The following CDK6 variants were observed in gnomAD, a reference collection of about 807,000 sequenced individuals.
CDK6 encodes cyclin-dependent kinase 6.
In CDK6, 6 loss-of-function variants were observed where a neutral mutation model predicts 37.1. The observed-to-expected ratio is 0.16, with a 90% CI of 0.09 to 0.32. The LOEUF is 0.32. Ranked by LOEUF, CDK6 falls within the 10% of genes least tolerant of loss-of-function variation. The pLI, the probability that CDK6 is intolerant of heterozygous loss-of-function variation, is 1.00. For missense variants in CDK6, 224 were observed against 418.9 expected, an observed-to-expected ratio of 0.53 and a Z score of 4.06; for synonymous variants, 160 against 161.3, an observed-to-expected ratio of 0.99 and a Z score of 0.06.
intron 4 of CDK6, among the ~76,000 whole-genome samples, chr7:92,698,903 T>C (rs1797779632): frequency 6.6e-6 from 1 of 152,198 alleles, no homozygotes; most frequent in Admixed American, 6.5e-5. Context: ...TCTCATTCAG[T>C]TATAAGCCTT....
chr7:92,664,636 A>G (rs1436003252), intron 5 of CDK6, among the ~76,000 whole-genome samples: 1 of 152,178 alleles, frequency 6.6e-6, no homozygotes, highest in African/African-American at 2.4e-5. Context: ...GTTTCCTTCT[A>G]ACAGTGACTC....
intron 4 of CDK6, among the ~76,000 whole-genome samples, chr7:92,692,266 A>AAAAG (rs57165480): frequency 0.016 from 2,350 of 147,892 alleles, 58 homozygotes; most frequent in African/African-American, 0.055. Flanking sequence ...TCCGTCTCAA[A>AAAAG]AAAGAAAGAA....
chr7:92,651,318 A>G (rs1194148996), intron 5 of CDK6, among the ~76,000 whole-genome samples: 5 of 152,186 alleles, frequency 3.3e-5, no homozygotes, highest in Non-Finnish European at 7.3e-5. Flanking sequence ...AATGTAACAA[A>G]TTCATAGTGT....
chr7:92,638,679 A>G (rs1173727916), intron 5 of CDK6, among the ~76,000 whole-genome samples: 6 of 152,190 alleles, frequency 3.9e-5, no homozygotes, highest in Non-Finnish European at 5.9e-5. Flanking sequence ...GGGTTCCTTG[A>G]ATGCCTTGAA....
chr7:92,728,033 A>G (rs956539212), intron 3 of CDK6, among the ~76,000 whole-genome samples: 24 of 152,200 alleles, frequency 1.6e-4, no homozygotes, highest in Non-Finnish European at 2.6e-4. Context: ...TAAAGAATAA[A>G]TCTGTTTGGT....
intron 4 of CDK6, among the ~76,000 whole-genome samples, chr7:92,693,262 G>A (rs1246635497): frequency 1.3e-5 from 2 of 152,172 alleles, no homozygotes; most frequent in African/African-American, 2.4e-5. Flanking sequence ...GATACAAGTA[G>A]AGAAAGAAAT....
At chr7:92,695,740 T>A (rs1797702658) in intron 4 of CDK6, among the ~76,000 whole-genome samples, 1 of 152,306 alleles carries the variant, frequency 6.6e-6, no homozygotes, top group Admixed American at 6.5e-5. Context: ...TGGGAGCCAA[T>A]GTTTACAATC....
intron 5 of CDK6, among the ~76,000 whole-genome samples, chr7:92,637,333 A>C (rs1278512075): frequency 6.6e-6 from 1 of 152,206 alleles, no homozygotes; most frequent in Admixed American, 6.5e-5. Flanking sequence ...CTTCTTGATC[A>C]TCACTCGTAG....
Position 92,615,293 on chromosome 7 carries a change from T to G in CDK6, c.835-7A>C, listed in dbSNP as rs768448320. ...GGTTAAATGTCAAACACTTCTGTAA[T>G]AAAGAAAAAAATAATTGGTTGATAT... is the stretch of plus-strand genomic sequence containing the variant. On this transcript the variant is annotated splice_region_variant and splice_polypyrimidine_tract_variant and intron_variant, in intron 7 of 7. Coordinates refer to ENST00000424848, the MANE Select transcript of CDK6 (RefSeq NM_001145306.2). 2 of 1,607,364 alleles carry G rather than the reference T, an allele frequency of 1.2e-6. No homozygotes were observed. The highest frequency in any genetic ancestry group is 1.7e-6 in the Non-Finnish European group (2 of 1,175,410).
chr7:92,793,286 T>C (rs186906848), intron 2 of CDK6, among the ~76,000 whole-genome samples: 27 of 152,126 alleles, frequency 1.8e-4, no homozygotes, highest in Admixed American at 1.4e-3. Flanking sequence ...GAACCCAGAA[T>C]AGCAAAAAAC....
intron 3 of CDK6, among the ~76,000 whole-genome samples, chr7:92,767,440 C>T (rs1194106933): frequency 6.6e-6 from 1 of 152,112 alleles, no homozygotes; most frequent in African/African-American, 2.4e-5. Flanking sequence ...TGAAATCTTA[C>T]TAATTAGAAA....
At chr7:92,648,981 G>A (rs751455859) in intron 5 of CDK6, among the ~76,000 whole-genome samples, 2 of 151,740 alleles carry the variant, frequency 1.3e-5, no homozygotes, top group Non-Finnish European at 2.9e-5. Context: ...CCTATTTTAG[G>A]GCAGTTGTTT....
At chr7:92,772,182 G>A (rs770513460) in intron 3 of CDK6, among the ~76,000 whole-genome samples, 1 of 152,092 alleles carries the variant, frequency 6.6e-6, no homozygotes, top group South Asian at 2.1e-4. Context: ...AGGAAGGAAA[G>A]TAGGTTAGTA....
intron 3 of CDK6, among the ~76,000 whole-genome samples, chr7:92,759,145 T>C (rs2115714442): frequency 6.6e-6 from 1 of 152,204 alleles, no homozygotes; most frequent in East Asian, 1.9e-4. Context: ...CCAGGCTTCT[T>C]AGCCCTTCTT....
intron 5 of CDK6, among the ~76,000 whole-genome samples, chr7:92,651,997 G>C (rs1796585366): frequency 6.6e-6 from 1 of 152,168 alleles, no homozygotes; most frequent in South Asian, 2.1e-4. Context: ...ACATGAATGA[G>C]AGTCAACACG....
At chr7:92,667,016 C>T (rs916483752) in intron 5 of CDK6, among the ~76,000 whole-genome samples, 1 of 151,988 alleles carries the variant, frequency 6.6e-6, no homozygotes, top group Non-Finnish European at 1.5e-5. Flanking sequence ...CCTAGTGGGA[C>T]AAGAAGTGGA....
At chr7:92,780,633 C>A (rs1267283125) in intron 2 of CDK6, among the ~76,000 whole-genome samples, 1 of 151,628 alleles carries the variant, frequency 6.6e-6, no homozygotes, top group African/African-American at 2.4e-5. Flanking sequence ...TGGTGGCAGG[C>A]GCCTGTAGTC....
chr7:92,734,146 T>C lies in CDK6; in HGVS notation c.370-8353A>G, dbSNP rs573579463. Among the ~76,000 whole-genome samples, 8 of 152,368 alleles carry C rather than the reference T, an allele frequency of 5.3e-5. No homozygotes were observed. The East Asian group carries it at 1.5e-3, about 29-fold the overall frequency. On this transcript the variant is annotated intron_variant, in intron 3 of 7. Coordinates refer to ENST00000424848, the MANE Select transcript of CDK6 (RefSeq NM_001145306.2). ...GGGGATAACAGATACCTTTACAATA[T>C]TGAGTCTTTCCTTTTCTTCATTTAC...
intron 3 of CDK6, among the ~76,000 whole-genome samples, chr7:92,736,415 A>T (rs1798788505): frequency 6.6e-6 from 1 of 152,190 alleles, no homozygotes; most frequent in Admixed American, 6.5e-5. Flanking sequence ...AAGAATATGT[A>T]CCTACATACT....
Sources: gnomAD v4.1 joint callset for allele counts (sites outside exome capture counted in the v4.1 genomes callset) on GRCh38, gnomAD v4.1.1 for gene constraint, MANE v1.5 for transcripts, NCBI Gene and HGNC (gene_info 2026-07-23, HGNC 2026-07-21) for gene names.